Variants in MYH15 observed in about 807,000 individuals in gnomAD.
MYH15 encodes myosin-15.
MYH15 carries 227 observed loss-of-function variants against 240.5 expected under a neutral mutation model. The observed-to-expected ratio is 0.94, with a 90% CI of 0.85 to 1.05. The LOEUF (loss-of-function observed/expected upper bound fraction) is 1.05. Among genes scored for constraint, MYH15 ranks in the 50% least tolerant of loss-of-function variants. The pLI is 0.00. For synonymous variants in MYH15, 785 were observed against 796.7 expected, an observed-to-expected ratio of 0.99 and a Z score of 0.25; for missense variants, 2,217 against 2,247.5, an observed-to-expected ratio of 0.99 and a Z score of 0.27.
chr3:108,398,897 T>C, intron 34 of MYH15, 57 bp from the exon 35 acceptor site: 2 of 1,532,842 alleles, frequency 1.3e-6, no homozygotes, highest in Admixed American at 1.7e-5. Flanking sequence ...ACATAGACTA[T>C]GCACCTACAC....
At chr3:108,496,077 A>G (rs570843415) in intron 6 of MYH15, among the ~76,000 whole-genome samples, 1 of 152,340 alleles carries the variant, frequency 6.6e-6, no homozygotes, top group South Asian at 2.1e-4. Flanking sequence ...CAATACCCCT[A>G]TGAATATGTG....
intron 36 of MYH15, among the ~76,000 whole-genome samples, chr3:108,392,203 T>A (rs1294869240): frequency 6.6e-6 from 1 of 152,196 alleles, no homozygotes; most frequent in Non-Finnish European, 1.5e-5. Context: ...ATGCAACACC[T>A]GTATTAAAAT....
the MYH15 span, among the ~76,000 whole-genome samples, chr3:108,540,581 A>C: frequency 2.6e-5 from 4 of 152,222 alleles, no homozygotes; most frequent in East Asian, 5.8e-4. Context: ...GATCTGATAA[A>C]ATTCCATTTC....
intron 36 of MYH15, 58 bp downstream of exon 36, chr3:108,393,973 G>T: frequency 6.2e-7 from 1 of 1,610,140 alleles, no homozygotes; most frequent in South Asian, 1.1e-5. Flanking sequence ...CCTGCCCCTT[G>T]GCCACTGCGC....
intron 36 of MYH15, among the ~76,000 whole-genome samples, 199 bp downstream of exon 36, chr3:108,393,832 C>A (rs930900417): frequency 1.3e-5 from 2 of 152,162 alleles, no homozygotes; most frequent in African/African-American, 4.8e-5. Flanking sequence ...TTTTCATCAC[C>A]AGGGTATGTT....
chr3:108,440,006 G>T, intron 23 of MYH15, 93 bp from the exon 24 acceptor site: 2 of 1,112,322 alleles, frequency 1.8e-6, no homozygotes, highest in Non-Finnish European at 2.5e-6. Flanking sequence ...CCAAAACTAC[G>T]CATGAGGTAT....
chr3:108,411,614 C>A (rs2082593652), intron 30 of MYH15, among the ~76,000 whole-genome samples: 1 of 152,154 alleles, frequency 6.6e-6, no homozygotes, highest in South Asian at 2.1e-4. Context: ...TTCTCCACCA[C>A]CCCCGTAATA....
chr3:108,458,483 A>C (rs2083043056), intron 18 of MYH15, among the ~76,000 whole-genome samples: 1 of 152,172 alleles, frequency 6.6e-6, no homozygotes, highest in Non-Finnish European at 1.5e-5. Context: ...TTGGGGTCTT[A>C]ATTACAGGAG....
Position 108,444,796 on chromosome 3 carries a change from T to C in MYH15, c.2499A>G (p.Lys833=). Residue 833 remains lysine (K), a synonymous_variant, in exon 22 of 41, where the codon AAA becomes AAG. Transcript: ENST00000693548. ...RLFFKIKPLV[K]SSEVGEEVAG... is the part of the protein sequence containing the mutation. ...CTACTTCTTCTCCTACTTCTGAAGA[T>C]TTAACAAGAGGCTTGATCTTGAAGA... 6.2e-7 allele frequency: 1 copy of C among 1,614,130 alleles called. No individual in the cohort carries two copies. Among genetic ancestry groups the C allele is most frequent in the Non-Finnish European group, 8.5e-7 (1 of 1,180,002 alleles).
chr3:108,510,631 A>T (rs1401317690), upstream of MYH15: 1 of 1,576,630 alleles, frequency 6.3e-7, no homozygotes, highest in Non-Finnish European at 8.6e-7. Context: ...AGTGGAAATA[A>T]GGCATCAAGC....
intron 28 of MYH15, among the ~76,000 whole-genome samples, chr3:108,418,757 G>GGGT: frequency 6.6e-6 from 1 of 151,086 alleles, no homozygotes; most frequent in East Asian, 2.0e-4. Context: ...TCAGCCTCCC[G>GGGT]TGTTGTTGTT....
intron 27 of MYH15, among the ~76,000 whole-genome samples, chr3:108,425,839 G>A (rs1414457939): frequency 6.6e-6 from 1 of 152,186 alleles, no homozygotes. Flanking sequence ...TTGGATGGCT[G>A]TGATTACAAT....
chr3:108,482,665 T>C (rs1398490680), intron 11 of MYH15, among the ~76,000 whole-genome samples: 2 of 152,256 alleles, frequency 1.3e-5, no homozygotes, highest in Non-Finnish European at 2.9e-5. Context: ...ATCTGTGCTG[T>C]GTCCTCTTCT....
chr3:108,419,697 CCTT>C (rs2082665598), intron 28 of MYH15, among the ~76,000 whole-genome samples: 1 of 152,174 alleles, frequency 6.6e-6, no homozygotes, highest in Admixed American at 6.5e-5. Context: ...AAAAACATTT[CCTT>C]CTTCTAGATT....
At chr3:108,522,452 G>A (rs191701973) in intron 1 of MYH15, among the ~76,000 whole-genome samples, 95 of 152,126 alleles carry the variant, frequency 6.2e-4, no homozygotes, top group Non-Finnish European at 8.4e-4. Context: ...TAAAGTAAGT[G>A]GTGTATTTTA....
At chr3:108,418,956 T>C (rs2082659391) in intron 28 of MYH15, among the ~76,000 whole-genome samples, 1 of 152,200 alleles carries the variant, frequency 6.6e-6, no homozygotes, top group African/African-American at 2.4e-5. Context: ...TTTTGCCATG[T>C]TGGCCAAGCT....
chr3:108,491,440 G>A lies in MYH15; in HGVS notation c.871+1060C>T, dbSNP rs545089358. Among the ~76,000 whole-genome samples, 338 of 151,890 alleles carry A rather than the reference G, an allele frequency of 2.2e-3. 3 individuals are homozygous for A. The highest frequency in any genetic ancestry group is 7.8e-3 in the African/African-American group (324 of 41,340). On this transcript the variant is annotated intron_variant, in intron 9 of 40. Coordinates refer to ENST00000693548, the MANE Select transcript of MYH15 (RefSeq NM_014981.3). ...TCTCCTAATCAAATCACAAAACTTG[G>A]GGATATTTTTGACTGACTCATCACT... is the stretch of plus-strand genomic sequence containing the variant.
chr3:108,542,740 T>C, the MYH15 span, among the ~76,000 whole-genome samples: 2 of 152,040 alleles, frequency 1.3e-5, no homozygotes, highest in African/African-American at 2.4e-5. Context: ...TGTGTGTTGT[T>C]CCCCACGTGT....
intron 22 of MYH15, among the ~76,000 whole-genome samples, chr3:108,443,197 T>C (rs1163262833): frequency 6.6e-6 from 1 of 152,212 alleles, no homozygotes; most frequent in Non-Finnish European, 1.5e-5. Flanking sequence ...CAGGAATTTG[T>C]ATTTTTAACA....
Sources: gnomAD v4.1 joint callset for allele counts (sites outside exome capture counted in the v4.1 genomes callset) on GRCh38, gnomAD v4.1.1 for gene constraint, MANE v1.5 for transcripts, NCBI Gene and HGNC (gene_info 2026-07-23, HGNC 2026-07-21) for gene names.